The following SDCCAG8 variants were observed in gnomAD, a reference collection of about 807,000 sequenced individuals.
SDCCAG8 encodes the protein SHH signaling and ciliogenesis regulator SDCCAG8.
A neutral mutation model predicts 101.8 loss-of-function variants in SDCCAG8; 74 were observed. The observed-to-expected ratio is 0.73, with a 90% confidence interval of 0.60 to 0.88. The LOEUF is 0.88. SDCCAG8 is among the 40% of genes least tolerant of loss of function. The pLI, the probability that SDCCAG8 is intolerant of heterozygous loss-of-function variation, is 0.00. For missense variants in SDCCAG8, 787 were observed against 822.6 expected (o/e 0.96, Z 0.53); for synonymous variants, 281 against 292.9 (o/e 0.96, Z 0.41).
rs189847544 is a variant in SDCCAG8, at chr1:243,426,594, A to G, written c.1985+36A>G. 262 of 1,613,618 alleles carry G rather than the reference A, an allele frequency of 1.6e-4. 1 individual carries two copies. Among genetic ancestry groups the G allele is most frequent in the South Asian group, 5.5e-4 (50 of 91,080 alleles). On this transcript the variant is annotated intron_variant, in intron 16 of 17. Coordinates refer to ENST00000366541, the MANE Select transcript of SDCCAG8 (RefSeq NM_006642.5). ...TTTCATGTCAACTCATGTGCCGCAT[A>G]TTGAATGTGTTTGGTTTACACACTG...
chr1:243,383,948 C>T (rs148873627), intron 13 of SDCCAG8, among the ~76,000 whole-genome samples: 3 of 152,174 alleles, frequency 2.0e-5, no homozygotes, highest in African/African-American at 7.2e-5. Flanking sequence ...CTATTATAAT[C>T]TTACCTTCTT....
chr1:243,467,055 A>G (rs1558508063), intron 16 of SDCCAG8, among the ~76,000 whole-genome samples: 1 of 152,194 alleles, frequency 6.6e-6, no homozygotes, highest in Non-Finnish European at 1.5e-5. Flanking sequence ...TAAAGTTGGA[A>G]ACCTGGGGGG....
In SDCCAG8 at chr1:243,269,484, C is replaced by G. The variant is rs115690460; in HGVS notation, c.68-621C>G. On this transcript the variant is annotated intron_variant, in intron 1 of 17. Transcript: ENST00000366541. ...TGTGTTCTAGGGGTGGTCAGTTGCA[C>G]TAACCAAGAATCTATGAGGTGTGGT... is the stretch of plus-strand genomic sequence containing the variant. Among the ~76,000 whole-genome samples the G allele has an allele frequency of 3.3e-3, 504 of 152,020 alleles. 2 individuals are homozygous for G. Among genetic ancestry groups the G allele is most frequent in the African/African-American group, 0.011 (463 of 41,434 alleles).
chr1:243,408,507 C>A (rs1006518820), intron 13 of SDCCAG8, among the ~76,000 whole-genome samples: 11 of 152,142 alleles, frequency 7.2e-5, no homozygotes, highest in Non-Finnish European at 1.3e-4. Context: ...AGAAGGAGAA[C>A]TAGCTTGGGA....
chr1:243,429,065 G>A (rs1002445669), intron 16 of SDCCAG8, among the ~76,000 whole-genome samples: 9 of 152,176 alleles, frequency 5.9e-5, no homozygotes, highest in African/African-American at 1.9e-4. Flanking sequence ...GATGTTGGAA[G>A]TACTTCCAAG....
chr1:243,400,710 A>C (rs1262703330), intron 13 of SDCCAG8, among the ~76,000 whole-genome samples: 2 of 152,200 alleles, frequency 1.3e-5, no homozygotes, highest in African/African-American at 4.8e-5. Flanking sequence ...TGACAATTAC[A>C]TAACTAGATT....
At chr1:243,296,535 CTT>C (rs756242066) in intron 6 of SDCCAG8, among the ~76,000 whole-genome samples, 4 of 57,946 alleles carry the variant, frequency 6.9e-5, no homozygotes, top group South Asian at 1.7e-3. Flanking sequence ...CCCAACTGCT[CTT>C]TTTTTTTTTT....
chr1:243,409,416 A>G (rs1462050429), intron 13 of SDCCAG8, among the ~76,000 whole-genome samples: 1 of 152,200 alleles, frequency 6.6e-6, no homozygotes, highest in Non-Finnish European at 1.5e-5. Context: ...TCACATTTAT[A>G]CACTTACATG....
chr1:243,317,097 A>G (rs1429242356), intron 9 of SDCCAG8, among the ~76,000 whole-genome samples: 7 of 152,198 alleles, frequency 4.6e-5, no homozygotes, highest in African/African-American at 1.4e-4. Context: ...CTGTTGTTGT[A>G]TCACTGTTCA....
chr1:243,412,625 A>G (rs1257767998), intron 13 of SDCCAG8, among the ~76,000 whole-genome samples: 1 of 150,716 alleles, frequency 6.6e-6, no homozygotes, highest in Non-Finnish European at 1.5e-5. Context: ...ATCAGCAATC[A>G]TTAGTATTAG....
chr1:243,330,047 T>C (rs1323709189), intron 9 of SDCCAG8, among the ~76,000 whole-genome samples: 1 of 152,218 alleles, frequency 6.6e-6, no homozygotes, highest in Non-Finnish European at 1.5e-5. Context: ...TTGATTATTA[T>C]ATAGTATTAA....
chr1:243,434,149 G>A (rs1393161558), intron 16 of SDCCAG8, among the ~76,000 whole-genome samples: 1 of 152,066 alleles, frequency 6.6e-6, no homozygotes, highest in African/African-American at 2.4e-5. Flanking sequence ...AACCCCCTAC[G>A]GTGCAGTATT....
chr1:243,302,803 A>C (rs1020344856), intron 6 of SDCCAG8, among the ~76,000 whole-genome samples: 1 of 152,202 alleles, frequency 6.6e-6, no homozygotes, highest in African/African-American at 2.4e-5. Flanking sequence ...GGCTTATTAC[A>C]TATGGGTACT....
intron 16 of SDCCAG8, among the ~76,000 whole-genome samples, chr1:243,448,748 G>GA (rs11443869): frequency 0.81 from 122,581 of 152,132 alleles, 49,378 homozygotes; most frequent in East Asian, 0.94. Context: ...TTTAGACTGT[G>GA]ACTCCTTAAG....
At chr1:243,398,165 C>T (rs2079143022) in intron 13 of SDCCAG8, among the ~76,000 whole-genome samples, 2 of 152,250 alleles carry the variant, frequency 1.3e-5, no homozygotes, top group South Asian at 2.1e-4. Context: ...TAAATGAGTA[C>T]TGTATTGACA....
At position 243,329,503 on chromosome 1, in the gene SDCCAG8, A is replaced by G. The variant is rs1034319444; in HGVS notation, c.1069-1037A>G. On this transcript the variant is annotated intron_variant, in intron 9 of 17. Transcript: ENST00000366541. ...ATCTCCATTAAAATCAAATGTGACT[A>G]TGAAATTTCTAATCATACAGCATGT... Among the ~76,000 whole-genome samples, 6 of 152,328 alleles carry G rather than the reference A, an allele frequency of 3.9e-5. No individual in the cohort carries two copies. The East Asian group carries it at 7.7e-4, about 20-fold the overall frequency.
In SDCCAG8 at chr1:243,295,619, C is replaced by T. The variant is rs949332138; in HGVS notation, c.675+2400C>T. Among the ~76,000 whole-genome samples the T allele has an allele frequency of 7.2e-5, 11 of 152,282 alleles. 1 individual carries two copies. Among genetic ancestry groups the T allele is most frequent in the Non-Finnish European group, 7.4e-5 (5 of 68,022 alleles). ...GTTGCTGCTTCATAAATTTATAATCCACTTTCATTTCTCTTTGAAGAACTG... is the reference window on the plus strand; with the variant it reads ...GTTGCTGCTTCATAAATTTATAATCTACTTTCATTTCTCTTTGAAGAACTG... On this transcript the variant is annotated intron_variant, in intron 6 of 17. Transcript: ENST00000366541.
Position 243,256,221 on chromosome 1 carries a change from G to T in SDCCAG8, c.48G>T (p.Gln16His), listed in dbSNP as rs1398602761. Residue 16 changes from glutamine to histidine, a missense_variant, in exon 1 of 18, where the codon CAG becomes CAT. By Grantham distance (24) the Gln-to-His change is conservative. Coordinates refer to ENST00000366541, the MANE Select transcript of SDCCAG8 (RefSeq NM_006642.5). ...ENSTLEEILG[Q>H]YQRSLREHAS... ...CTACCCTGGAGGAGATTCTGGGGCAGTATCAACGGAGTCTCCGGGGTGAGT... is the reference window on the plus strand; with the variant it reads ...CTACCCTGGAGGAGATTCTGGGGCATTATCAACGGAGTCTCCGGGGTGAGT... 1 of 1,614,214 alleles carries T rather than the reference G, an allele frequency of 6.2e-7. No homozygotes were observed. The highest frequency in any genetic ancestry group is 1.3e-5 in the African/African-American group (1 of 75,076).
At chr1:243,260,223 G>T (rs893951951) in intron 1 of SDCCAG8, among the ~76,000 whole-genome samples, 141 of 152,340 alleles carry the variant, frequency 9.3e-4, no homozygotes, top group African/African-American at 3.2e-3. Flanking sequence ...TGGTCTGAAA[G>T]TTTCCAGTGT....
Sources: gnomAD v4.1 joint callset for allele counts (sites outside exome capture counted in the v4.1 genomes callset) on GRCh38, gnomAD v4.1.1 for gene constraint, MANE v1.5 for transcripts, NCBI Gene and HGNC (gene_info 2026-07-23, HGNC 2026-07-21) for gene names.